The following ABR variants were observed in gnomAD, a reference collection of about 807,000 sequenced individuals.
The protein encoded by ABR is active breakpoint cluster region-related protein.
Under a neutral mutation model 107.2 loss-of-function variants are expected in ABR, and 35 were observed. The observed-to-expected ratio is 0.33, with a 90% CI of 0.25 to 0.43. ABR has a LOEUF of 0.43. Ranked by LOEUF, ABR falls within the 20% of genes least tolerant of loss-of-function variation. The pLI, the probability that ABR is intolerant of heterozygous loss-of-function variation, is 1.00. For synonymous variants in ABR, 498 were observed against 462.0 expected, an observed-to-expected ratio of 1.08 and a Z score of -1.00; for missense variants, 815 against 1,115.2, an observed-to-expected ratio of 0.73 and a Z score of 3.83.
intron 1 of ABR, among the ~76,000 whole-genome samples, chr17:1,141,561 A>G (rs766976973): frequency 1.6e-4 from 24 of 152,162 alleles, no homozygotes; most frequent in Non-Finnish European, 3.1e-4. Flanking sequence ...GGCGCTAACA[A>G]AACGGCAGCT....
At chr17:1,052,132 G>A (rs1216268743) in intron 14 of ABR, among the ~76,000 whole-genome samples, 1 of 151,476 alleles carries the variant, frequency 6.6e-6, no homozygotes, top group Non-Finnish European at 1.5e-5. Context: ...GCTACCCCAA[G>A]AAGCCTCCAG....
At chr17:1,189,125 G>A (rs3892291), upstream of ABR, among the ~76,000 whole-genome samples, 17,403 of 152,086 alleles carry the variant, frequency 0.11, 1,439 homozygotes, top group African/African-American at 0.23. Flanking sequence ...GTGTTCTCCC[G>A]AAAGGAGAGT....
At chr17:1,030,887 G>T (rs147858825) in intron 16 of ABR, among the ~76,000 whole-genome samples, 2 of 152,208 alleles carry the variant, frequency 1.3e-5, no homozygotes, top group Non-Finnish European at 2.9e-5. Flanking sequence ...CTTCCTGTGC[G>T]CTGGGCGCTG....
At chr17:1,166,454 T>C (rs1383148536) in intron 1 of ABR, among the ~76,000 whole-genome samples, 1 of 152,096 alleles carries the variant, frequency 6.6e-6, no homozygotes, top group Non-Finnish European at 1.5e-5. Flanking sequence ...GCGAGTGTTG[T>C]ATCCTGGGAA....
chr17:1,100,874 A>G, intron 2 of ABR, 139 bp from the exon 3 acceptor site: 10 of 772,068 alleles, frequency 1.3e-5, no homozygotes, highest in Non-Finnish European at 2.1e-5. Context: ...CCTAGGCTGA[A>G]GTAAAGTGGC....
At chr17:1,031,697 C>T in intron 16 of ABR, 1 of 1,251,946 alleles carries the variant, frequency 8.0e-7, no homozygotes, top group Non-Finnish European at 1.0e-6. Flanking sequence ...GGGGTTCGCG[C>T]CCCGCCTTCG....
At chr17:1,052,275 A>T (rs2032653751) in intron 14 of ABR, among the ~76,000 whole-genome samples, 2 of 150,814 alleles carry the variant, frequency 1.3e-5, no homozygotes, top group Non-Finnish European at 2.9e-5. Flanking sequence ...TGTGTGTTTG[A>T]GACGGGCCAT....
intron 1 of ABR, among the ~76,000 whole-genome samples, chr17:1,136,364 G>A (rs2040067857): frequency 6.6e-6 from 1 of 152,180 alleles, no homozygotes; most frequent in Non-Finnish European, 1.5e-5. Flanking sequence ...GAGTAGCTGG[G>A]ATTACAGATG....
chr17:1,018,449 A>G (rs1200797963), intron 16 of ABR, among the ~76,000 whole-genome samples: 1 of 152,174 alleles, frequency 6.6e-6, no homozygotes, highest in Non-Finnish European at 1.5e-5. Flanking sequence ...ACACATCAGC[A>G]TAAGCCTCAG....
intron 14 of ABR, chr17:1,055,819 G>A (rs187946166): frequency 8.5e-5 from 45 of 531,820 alleles, no homozygotes; most frequent in Admixed American, 6.0e-4. Context: ...GAGCCACCGC[G>A]CCCGGCCCCT....
rs76027041 is a variant in ABR at position 1,082,640 on chromosome 17, G to A, written c.639+880C>T. The stretch of plus-strand genomic sequence containing the variant: ...GTGTTTATGGGATGGCAGTCTTAGA[G>A]TTGGCAAGAACCTTAAAAGACGACC... On this transcript the variant is annotated intron_variant, in intron 5 of 22. Transcript: ENST00000302538. 2.1e-4 allele frequency among the ~76,000 whole-genome samples: 32 copies of A among 152,330 alleles called. No individual in the cohort carries two copies. The East Asian group carries it at 6.2e-3, about 29-fold the overall frequency.
intron 21 of ABR, among the ~76,000 whole-genome samples, chr17:1,009,235 TCCCCACTGCTGTCCACC>T (rs58883619): frequency 0.15 from 7,253 of 47,354 alleles, 668 homozygotes; most frequent in African/African-American, 0.3. Flanking sequence ...TACTGTCCAT[TCCCCACTGCTGTCCACC>T]CCCCACTGCT....
Position 1,010,379 on chromosome 17 carries a change from G to C in ABR, c.2236+350C>G. ...CCATCTCGAGTGCCCTATGGCTTAA[G>C]CCAGCCTCCTCCTTGGTTCTGGGAT... On this transcript the variant is annotated intron_variant, in intron 20 of 22. Transcript: ENST00000302538. This position sits in a 1 kb window ranked among gnomAD's most constrained non-coding sequence, Gnocchi z 4.1. 1 of 304,112 alleles carries C rather than the reference G, an allele frequency of 3.3e-6. No homozygotes were observed. Among genetic ancestry groups the C allele is most frequent in the Non-Finnish European group, 6.3e-6 (1 of 159,378 alleles). 18.8% of individuals were successfully genotyped at this position (304,112 alleles called of 1,614,324 possible).
rs866981286 is a variant in ABR at position 1,173,079 on chromosome 17, T to C, written c.61+6588A>G. On this transcript the variant is annotated intron_variant, in intron 1 of 22. Transcript: ENST00000302538. The stretch of plus-strand genomic sequence containing the variant: ...CAGTCCACCCAACACATCACCTCAG[T>C]CCACCCCCCCCATCATCTCAGCCCA... 1.3e-3 allele frequency among the ~76,000 whole-genome samples: 26 copies of C among 19,414 alleles called. 1 individual carries two copies. The highest frequency in any genetic ancestry group is 3.4e-3 in the East Asian group (2 of 590). The allele number at this position is 19,414 out of a possible 152,430, so 12.7% of individuals were successfully genotyped here. A position where few individuals can be genotyped will look rare whatever the true frequency, so the allele number is the denominator to read the frequency against.
At chr17:1,082,051 G>A (rs1041568554) in intron 5 of ABR, among the ~76,000 whole-genome samples, 1 of 152,050 alleles carries the variant, frequency 6.6e-6, no homozygotes, top group East Asian at 1.9e-4. Flanking sequence ...GGCATCGACC[G>A]TCACCCCTGA....
rs73283427 is a variant in ABR at position 1,011,063 on chromosome 17, G to A, written c.2102-200C>T. On this transcript the variant is annotated intron_variant, in intron 19 of 22. Transcript: ENST00000302538. The surrounding 1 kb of genome is among the most constrained non-coding windows in gnomAD (Gnocchi z 4.8). ...TTGGGGGAACAGGGAGAGATAGCCTGGGGGCCATCTGCTGTGGCTGCTTGG... is the reference window on the plus strand; with the variant it reads ...TTGGGGGAACAGGGAGAGATAGCCTAGGGGCCATCTGCTGTGGCTGCTTGG... 382 of 629,030 alleles carry A rather than the reference G, an allele frequency of 6.1e-4. 2 individuals carry two copies. In the African/African-American group the frequency reaches 6.2e-3, roughly 10 times the overall value. The allele number at this position is 629,030 out of a possible 1,614,324, so 39.0% of individuals were successfully genotyped here.
intron 3 of ABR, among the ~76,000 whole-genome samples, chr17:1,094,312 C>T (rs4968159): frequency 0.22 from 33,202 of 152,056 alleles, 3,879 homozygotes; most frequent in Admixed American, 0.28. Flanking sequence ...ATAATACAGC[C>T]ATGCGCTACC....
intron 1 of ABR, among the ~76,000 whole-genome samples, chr17:1,140,881 C>A (rs1296617626): frequency 6.6e-6 from 1 of 151,880 alleles, no homozygotes; most frequent in African/African-American, 2.4e-5. Context: ...CCGCGCCCGG[C>A]CAGTCTTCTA....
At chr17:1,152,159 A>G (rs2040822988) in intron 1 of ABR, among the ~76,000 whole-genome samples, 1 of 152,144 alleles carries the variant, frequency 6.6e-6, no homozygotes, top group South Asian at 2.1e-4. Flanking sequence ...GTGTGGTGGC[A>G]GGTGCCTGTA....
Sources: gnomAD v4.1 joint callset for allele counts (sites outside exome capture counted in the v4.1 genomes callset) on GRCh38, gnomAD v4.1.1 for gene constraint, Gnocchi (gnomAD v3.1) non-coding constraint, MANE v1.5 for transcripts, NCBI Gene and HGNC (gene_info 2026-07-23, HGNC 2026-07-21) for gene names.